MAP2K3: variants seen among roughly 807,000 people sequenced by gnomAD.
The protein encoded by MAP2K3 is mitogen-activated protein kinase kinase 3.
Under a neutral mutation model 46.4 loss-of-function variants are expected in MAP2K3, and 30 were observed. The ratio of observed to expected loss-of-function variants is 0.65; its 90% CI spans 0.48 to 0.88. MAP2K3 has a LOEUF of 0.88. MAP2K3 is among the 40% of genes least tolerant of loss of function. The pLI, the probability that MAP2K3 is intolerant of heterozygous loss-of-function variation, is 0.00. For synonymous variants in MAP2K3, 189 were observed against 176.3 expected (o/e 1.07, Z -0.57); for missense variants, 380 against 464.5 (o/e 0.82, Z 1.67).
intron 2 of MAP2K3, 47 bp from the exon 3 acceptor site, chr17:21,298,831 A>C (rs1051613686): frequency 6.2e-7 from 1 of 1,614,072 alleles, no homozygotes; most frequent in African/African-American, 1.3e-5. Context: ...GCACTTGGGG[A>C]AGGGTGTGGT....
chr17:21,295,303 T>G (rs1291714917), intron 1 of MAP2K3, among the ~76,000 whole-genome samples: 2 of 152,310 alleles, frequency 1.3e-5, no homozygotes, highest in African/African-American at 4.8e-5. Context: ...TTACCTGTGG[T>G]GTAGCCTCAG....
Position 21,295,804 on chromosome 17 carries a change from C to T in MAP2K3, c.50-2609C>T, listed in dbSNP as rs929663954. ...CTGAGGCTTGGTGAAGGGGGGGCCA[C>T]ATGATACAACATTCCCAAATCCCAA... is the stretch of plus-strand genomic sequence containing the variant. On this transcript the variant is annotated intron_variant, in intron 1 of 11. Transcript: ENST00000342679. 8 of 1,289,214 alleles carry T rather than the reference C, an allele frequency of 6.2e-6. No individual in the cohort carries two copies. In the African/African-American group the frequency reaches 1.2e-4, roughly 20 times the overall value. The allele number at this position is 1,289,214 out of a possible 1,614,324, so 79.9% of individuals were successfully genotyped here.
At chr17:21,292,879 C>T (rs1285142425) in intron 1 of MAP2K3, among the ~76,000 whole-genome samples, 1 of 152,310 alleles carries the variant, frequency 6.6e-6, no homozygotes, top group African/African-American at 2.4e-5. Flanking sequence ...TGCTGAGGAC[C>T]TGCAGGATCC....
intron 9 of MAP2K3, among the ~76,000 whole-genome samples, chr17:21,309,804 G>T (rs1342574573): frequency 6.6e-6 from 1 of 151,836 alleles, no homozygotes; most frequent in Non-Finnish European, 1.5e-5. Flanking sequence ...AGTAGAGATG[G>T]GGTTTCACCA....
At chr17:21,286,401 G>A (rs1004722381) in intron 1 of MAP2K3, among the ~76,000 whole-genome samples, 1 of 152,260 alleles carries the variant, frequency 6.6e-6, no homozygotes, top group African/African-American at 2.4e-5. Context: ...TGTGGGCCTG[G>A]GGAGGGCATG....
At chr17:21,310,653 C>T (rs1204373472) in intron 9 of MAP2K3, among the ~76,000 whole-genome samples, 4 of 152,250 alleles carry the variant, frequency 2.6e-5, no homozygotes, top group Admixed American at 6.5e-5. Context: ...TGGCCAGGAG[C>T]AAGTGCTGAC....
At chr17:21,310,936 C>T (rs73982791) in intron 9 of MAP2K3, among the ~76,000 whole-genome samples, 1,750 of 152,324 alleles carry the variant, frequency 0.011, 36 homozygotes, top group African/African-American at 0.036. Context: ...CTCTCATGGC[C>T]GCTGGTCCTT....
chr17:21,290,118 T>C (rs1017962712), intron 1 of MAP2K3, among the ~76,000 whole-genome samples: 7 of 152,204 alleles, frequency 4.6e-5, no homozygotes, highest in African/African-American at 1.7e-4. Context: ...TGTGCGGTGA[T>C]GCGGTGACAG....
intron 5 of MAP2K3, 142 bp downstream of exon 5, chr17:21,301,135 G>T: frequency 7.1e-7 from 1 of 1,416,438 alleles, no homozygotes; most frequent in Non-Finnish European, 9.7e-7. Context: ...TCTCTTGGCT[G>T]TTACTGTCCT....
intron 1 of MAP2K3, chr17:21,291,406 C>T (rs1279865827): frequency 1.1e-5 from 5 of 449,882 alleles, no homozygotes; most frequent in South Asian, 4.7e-5. Flanking sequence ...GCACAGATGG[C>T]GTTTGTTCAG....
intron 7 of MAP2K3, among the ~76,000 whole-genome samples, chr17:21,303,948 G>A (rs1416961412): frequency 6.6e-6 from 1 of 152,264 alleles, no homozygotes; most frequent in African/African-American, 2.4e-5. Flanking sequence ...GGATGTGAGT[G>A]TCCTATGCGC....
At chr17:21,301,084 G>A (rs1237690609) in intron 5 of MAP2K3, 91 bp downstream of exon 5, 2 of 1,597,304 alleles carry the variant, frequency 1.3e-6, no homozygotes, top group African/African-American at 1.3e-5. Context: ...CAGTACGCCA[G>A]GTGCTGGGGA....
rs767229142 is a variant in MAP2K3, at chr17:21,313,512, A to C, written c.935A>C (p.Glu312Ala). The C allele has an allele frequency of 6.2e-7, 1 of 1,602,970 alleles. No individual in the cohort carries two copies. Among genetic ancestry groups the C allele is most frequent in the Non-Finnish European group, 8.5e-7 (1 of 1,174,106 alleles). ...TAQCLRKNPAERMSYLELMEH... is the reference protein window; with the variant it reads ...TAQCLRKNPAARMSYLELMEH... ...CCTAGCCTGAGGAAGAACCCCGCAGAGCGTATGAGCTACCTGGAGCTGATG... is the reference window on the plus strand; with the variant it reads ...CCTAGCCTGAGGAAGAACCCCGCAGCGCGTATGAGCTACCTGGAGCTGATG... Residue 312 changes from glutamate to alanine, a missense_variant, in exon 11 of 12, where the codon GAG (glutamate) becomes GCG (alanine). Glu to Ala is a moderately radical substitution (Grantham distance 107, BLOSUM62 -1). Around this residue, in one of 5 missense-constraint regions of MAP2K3, gnomAD observed 63 missense variants for 81.6 expected, o/e 0.77. Transcript: ENST00000342679.
At chr17:21,288,918 A>G (rs1355274217) in intron 1 of MAP2K3, among the ~76,000 whole-genome samples, 2 of 152,228 alleles carry the variant, frequency 1.3e-5, no homozygotes, top group Non-Finnish European at 1.5e-5. Flanking sequence ...TGCCCTCTTT[A>G]GCCCTCAGTC....
intron 1 of MAP2K3, among the ~76,000 whole-genome samples, chr17:21,289,843 T>C (rs894651574): frequency 6.6e-6 from 1 of 152,212 alleles, no homozygotes; most frequent in Non-Finnish European, 1.5e-5. Context: ...GCACATGTCC[T>C]TGTCACCTCC....
intron 3 of MAP2K3, 83 bp downstream of exon 3, chr17:21,299,009 G>C: frequency 6.3e-7 from 1 of 1,589,486 alleles, no homozygotes; most frequent in Non-Finnish European, 8.6e-7. Flanking sequence ...CCACTTTGGG[G>C]GGAGGTGACT....
intron 2 of MAP2K3, 128 bp downstream of exon 2, chr17:21,298,607 G>T: frequency 6.8e-7 from 1 of 1,475,130 alleles, no homozygotes; most frequent in Non-Finnish European, 9.5e-7. Context: ...AGCCCCTGCT[G>T]TGCATACAGC....
At chr17:21,288,876 G>C (rs982901031) in intron 1 of MAP2K3, among the ~76,000 whole-genome samples, 11 of 152,252 alleles carry the variant, frequency 7.2e-5, no homozygotes, top group African/African-American at 1.9e-4. Flanking sequence ...TCGAATCCTG[G>C]CTCCACTACT....
intron 1 of MAP2K3, among the ~76,000 whole-genome samples, chr17:21,288,477 G>A (rs1030881952): frequency 1.3e-5 from 2 of 152,250 alleles, no homozygotes; most frequent in African/African-American, 4.8e-5. Context: ...GCTGGGGTGG[G>A]ACCCGGCCTG....
Sources: gnomAD v4.1 joint callset for allele counts (sites outside exome capture counted in the v4.1 genomes callset) on GRCh38, gnomAD v4.1.1 for gene constraint, gnomAD v4.1.1 regional missense constraint, MANE v1.5 for transcripts, NCBI Gene and HGNC (gene_info 2026-07-23, HGNC 2026-07-21) for gene names.